The following SCUBE2 variants were observed in gnomAD, a reference collection of about 807,000 sequenced individuals.
SCUBE2 encodes signal peptide, CUB and EGF-like domain-containing protein 2.
SCUBE2 carries 114 observed loss-of-function variants against 125.9 expected under a neutral mutation model. The ratio of observed to expected loss-of-function variants is 0.91; its 90% CI spans 0.78 to 1.06. The LOEUF is 1.06. Ranked by LOEUF, SCUBE2 falls within the 50% of genes least tolerant of loss-of-function variation. The probability of loss-of-function intolerance (pLI) is 0.00; values close to 1 mark genes in which losing one functional copy is unlikely to be tolerated. For synonymous variants in SCUBE2, 459 were observed against 492.9 expected (o/e 0.93, Z 0.91); for missense variants, 1,255 against 1,301.8 (o/e 0.96, Z 0.55).
chr11:9,083,542 G>C (rs1861810547), intron 2 of SCUBE2, among the ~76,000 whole-genome samples: 1 of 151,742 alleles, frequency 6.6e-6, no homozygotes, highest in Non-Finnish European at 1.5e-5. Context: ...TAAGCAAAGA[G>C]AGAATAGAAT....
chr11:9,044,316 A>T (rs1857501923), intron 16 of SCUBE2, among the ~76,000 whole-genome samples: 1 of 152,160 alleles, frequency 6.6e-6, no homozygotes, highest in Non-Finnish European at 1.5e-5. Flanking sequence ...GCAGTGACAC[A>T]ATCATAGCTC....
chr11:9,050,346 G>A (rs931229502), intron 14 of SCUBE2: 17 of 379,092 alleles, frequency 4.5e-5, no homozygotes, highest in African/African-American at 1.6e-4. Flanking sequence ...CTGTGAACTC[G>A]TGGGTTTCCC....
At chr11:9,026,039 A>AC (rs1209022448) in intron 20 of SCUBE2, 185 bp from the exon 21 acceptor site, 5 of 593,498 alleles carry the variant, frequency 8.4e-6, no homozygotes, top group Admixed American at 3.2e-5. Context: ...GTAATTGTGG[A>AC]CCCCCAGGGG....
rs772152449 is a variant in SCUBE2 at position 9,050,667 on chromosome 11, T to C, written c.1578A>G (p.Glu526=). The change falls in exon 14 of 23, where the codon GAA becomes GAG. Residue 526 remains glutamate, a synonymous_variant. Coordinates refer to ENST00000649792, the MANE Select transcript of SCUBE2 (RefSeq NM_001367977.2). ...CAGCATTTTTCAAACTACACTTGCC[T>C]TCATTTAGCTTAAAGGTTACACTTG... ...IRTSVTFKLN[E]GKCSLKNAEL... 13 of 1,614,212 alleles carry C rather than the reference T, an allele frequency of 8.1e-6. No individual in the cohort carries two copies. In the South Asian group the frequency reaches 1.4e-4, roughly 18 times the overall value.
chr11:9,081,195 T>C (rs967841756), intron 2 of SCUBE2, among the ~76,000 whole-genome samples: 3 of 152,216 alleles, frequency 2.0e-5, no homozygotes, highest in African/African-American at 7.2e-5. Flanking sequence ...AGTTTGGCAG[T>C]ATCTTTTCTT....
rs146419788 is a variant in SCUBE2 at position 9,064,054 on chromosome 11, G to A, written c.850+1837C>T. ...TTAAATTGTGAGACAACAATATTAA[G>A]GGTATAGGGAGAGGTCAGGTGTGTG... On this transcript the variant is annotated intron_variant, in intron 7 of 22. Transcript: ENST00000649792. Among the ~76,000 whole-genome samples, 19 of 152,274 alleles carry A rather than the reference G, an allele frequency of 1.2e-4. No individual in the cohort carries two copies. The East Asian group carries it at 3.7e-3, about 29-fold the overall frequency.
At chr11:9,051,204 AT>A (rs1566200396) in intron 13 of SCUBE2, among the ~76,000 whole-genome samples, 3 of 148,346 alleles carry the variant, frequency 2.0e-5, no homozygotes, top group South Asian at 4.6e-4. Flanking sequence ...CTATCTATCT[AT>A]CTATCTATCT....
rs1342092003 is a variant in SCUBE2, at chr11:9,048,078, C to A, written c.1660G>T (p.Glu554Ter). The change falls in exon 15 of 23, where the codon GAG becomes TAG. Residue 554 changes from glutamate (E) to a stop codon, truncating the protein, a stop_gained. Coordinates refer to ENST00000649792, the MANE Select transcript of SCUBE2 (RefSeq NM_001367977.2). LOFTEE classifies it high-confidence loss of function. The part of the protein sequence containing the change: ...ALPEKHSSVK[E>*]SFRYVNLTCS... ...GTAAGGTTTACGTAGCGGAAGCTCT[C>A]TTTTACTGAGCTGTGCTTCTCTGTA... The A allele has an allele frequency of 6.2e-7, 1 of 1,613,216 alleles. No individual in the cohort carries two copies. The highest frequency in any genetic ancestry group is 2.2e-5 in the East Asian group (1 of 44,898).
intron 7 of SCUBE2, among the ~76,000 whole-genome samples, chr11:9,061,803 G>A (rs552655376): frequency 1.8e-4 from 27 of 152,272 alleles, no homozygotes; most frequent in African/African-American, 5.3e-4. Context: ...AGTATCTGGC[G>A]TAGAAGAAAG....
intron 13 of SCUBE2, among the ~76,000 whole-genome samples, chr11:9,051,506 C>T (rs1410363087): frequency 1.3e-5 from 2 of 152,130 alleles, no homozygotes; most frequent in African/African-American, 4.8e-5. Context: ...GCTCTGAGGT[C>T]TGAGAGGGAG....
intron 16 of SCUBE2, among the ~76,000 whole-genome samples, chr11:9,045,893 T>C (rs971306868): frequency 1.4e-4 from 21 of 152,032 alleles, no homozygotes; most frequent in South Asian, 4.1e-4. Flanking sequence ...ACAAGACACA[T>C]TGGCTCCCCT....
In SCUBE2 at chr11:9,055,900, T is replaced by C; in HGVS notation, c.1100A>G (p.Glu367Gly). 6.2e-7 allele frequency: 1 copy of C among 1,613,966 alleles called. No homozygotes were observed. The highest frequency in any genetic ancestry group is 8.5e-7 in the Non-Finnish European group (1 of 1,179,800). Residue 367 changes from glutamate (E) to glycine (G), a missense_variant, in exon 10 of 23, where the codon GAG becomes GGG. Glu to Gly is a moderately conservative substitution (Grantham distance 98). Transcript: ENST00000649792. ...TDEKSCQDVD[E>G]CSLDRTCDHS... ...GTCACAGGTCCTATCCAAAGAGCACTCATCCACATCTGTAATGGTCAAAGG... is the reference window on the plus strand; with the variant it reads ...GTCACAGGTCCTATCCAAAGAGCACCCATCCACATCTGTAATGGTCAAAGG...
intron 10 of SCUBE2, 40 bp from the exon 11 acceptor site, chr11:9,053,799 C>A: frequency 6.3e-7 from 1 of 1,598,026 alleles, no homozygotes; most frequent in Non-Finnish European, 8.6e-7. Flanking sequence ...CAGCCTGTCA[C>A]TGAATGGGCT....
intron 16 of SCUBE2, among the ~76,000 whole-genome samples, chr11:9,045,645 AC>A (rs1857652153): frequency 6.6e-6 from 1 of 150,518 alleles, no homozygotes; most frequent in Non-Finnish European, 1.5e-5. Context: ...ACACACACAC[AC>A]ACACACACAG....
intron 16 of SCUBE2, among the ~76,000 whole-genome samples, chr11:9,041,677 T>C (rs531041531): frequency 2.0e-5 from 3 of 152,048 alleles, no homozygotes; most frequent in Non-Finnish European, 4.4e-5. Flanking sequence ...AAAATCAGAC[T>C]GAAGAGAAAT....
intron 1 of SCUBE2, among the ~76,000 whole-genome samples, chr11:9,090,547 ATTC>A (rs1286256217): frequency 6.6e-6 from 1 of 150,634 alleles, no homozygotes; most frequent in East Asian, 1.9e-4. Context: ...GTGTGGCCCA[ATTC>A]TTCTTCTTCC....
At chr11:9,080,509 G>C (rs551239448) in intron 2 of SCUBE2, among the ~76,000 whole-genome samples, 4 of 152,122 alleles carry the variant, frequency 2.6e-5, no homozygotes, top group African/African-American at 9.6e-5. Flanking sequence ...AAATTAGCCA[G>C]ATGTGGTGGT....
chr11:9,050,637 C>T lies in SCUBE2; in HGVS notation c.1608G>A (p.Leu536=). ...EGKCSLKNAE[L]FPEGLRPALP... ...GTGCTGGTCGCAGACCCTCGGGAAA[C>T]AGCTCAGCATTTTTCAAACTACACT... The change falls in exon 14 of 23, where the codon CTG becomes CTA. Residue 536 remains leucine (L), a synonymous_variant. Transcript: ENST00000649792. 1 of 1,614,170 alleles carries T rather than the reference C, an allele frequency of 6.2e-7. No individual in the cohort carries two copies. Among genetic ancestry groups the T allele is most frequent in the Non-Finnish European group, 8.5e-7 (1 of 1,179,980 alleles).
At chr11:9,086,103 G>A (rs1382010320) in intron 2 of SCUBE2, among the ~76,000 whole-genome samples, 1 of 152,192 alleles carries the variant, frequency 6.6e-6, no homozygotes, top group East Asian at 1.9e-4. Flanking sequence ...CAAAGTGCTA[G>A]GATTACAGGC....
Sources: allele counts gnomAD v4.1 joint callset (sites outside exome capture counted in the v4.1 genomes callset), GRCh38; gene constraint gnomAD v4.1.1; transcripts MANE v1.5; gene names NCBI Gene and HGNC (gene_info 2026-07-23, HGNC 2026-07-21).